The following UBE2G1 variants were observed in gnomAD, a reference collection of about 807,000 sequenced individuals.
UBE2G1 encodes ubiquitin conjugating enzyme E2 G1, also known as ubiquitin-conjugating enzyme E2 G1.
A neutral mutation model predicts 22.7 loss-of-function variants in UBE2G1; 5 were observed. The observed-to-expected ratio is 0.22, with a 90% CI of 0.12 to 0.46. The LOEUF is 0.46. Ranked by LOEUF, UBE2G1 falls within the 20% of genes least tolerant of loss-of-function variation. The probability of loss-of-function intolerance (pLI) is 0.99; values close to 1 mark genes in which losing one functional copy is unlikely to be tolerated. For synonymous variants in UBE2G1, 74 were observed against 67.5 expected, an observed-to-expected ratio of 1.10 and a Z score of -0.47; for missense variants, 88 against 203.9, an observed-to-expected ratio of 0.43 and a Z score of 3.46.
chr17:4,317,071 C>T (rs907531915), intron 1 of UBE2G1, among the ~76,000 whole-genome samples: 29 of 151,806 alleles, frequency 1.9e-4, no homozygotes, highest in Non-Finnish European at 3.5e-4. Context: ...ATACCCTGTC[C>T]AGGTGTGGTG....
intron 1 of UBE2G1, among the ~76,000 whole-genome samples, chr17:4,352,676 G>T (rs1454514725): frequency 6.6e-6 from 1 of 152,132 alleles, no homozygotes; most frequent in East Asian, 1.9e-4. Flanking sequence ...CTTCAGGGGT[G>T]GGCGTGGTGG....
At chr17:4,334,012 T>A (rs377509253) in intron 1 of UBE2G1, among the ~76,000 whole-genome samples, 1 of 151,590 alleles carries the variant, frequency 6.6e-6, no homozygotes, top group Non-Finnish European at 1.5e-5. Context: ...GAAAATCACA[T>A]AGCAGGTCTT....
At chr17:4,287,739 C>T (rs1968983111) in intron 4 of UBE2G1, among the ~76,000 whole-genome samples, 1 of 151,644 alleles carries the variant, frequency 6.6e-6, no homozygotes, top group Non-Finnish European at 1.5e-5. Flanking sequence ...AACAAAGGTT[C>T]TAAGAATAAG....
At chr17:4,279,103 C>T (rs1968852960) in intron 5 of UBE2G1, among the ~76,000 whole-genome samples, 1 of 151,948 alleles carries the variant, frequency 6.6e-6, no homozygotes, top group Non-Finnish European at 1.5e-5. Flanking sequence ...GGTGAAATCC[C>T]ATCTCTACTA....
chr17:4,283,330 G>T (rs938127600), intron 4 of UBE2G1, among the ~76,000 whole-genome samples: 6 of 152,094 alleles, frequency 3.9e-5, no homozygotes, highest in Non-Finnish European at 7.4e-5. Flanking sequence ...GACCAATATG[G>T]TGAGAATAAA....
At chr17:4,349,900 A>G (rs1380708583) in intron 1 of UBE2G1, among the ~76,000 whole-genome samples, 1 of 152,132 alleles carries the variant, frequency 6.6e-6, no homozygotes, top group African/African-American at 2.4e-5. Context: ...ACACTGTAAT[A>G]TAACATCTTC....
intron 1 of UBE2G1, among the ~76,000 whole-genome samples, chr17:4,320,812 C>T (rs894497700): frequency 2.0e-5 from 3 of 152,000 alleles, no homozygotes; most frequent in South Asian, 4.2e-4. Context: ...TAACTGATGG[C>T]CACTTAGCAT....
rs574080352 is a variant in UBE2G1, at chr17:4,319,195, T to C, written c.47-12072A>G. ...CTTTCTATAATAATAAATATACAGA[T>C]TGAAAACATATCCCACAACTCAGAA... On this transcript the variant is annotated intron_variant, in intron 1 of 5. Coordinates refer to ENST00000396981, the MANE Select transcript of UBE2G1 (RefSeq NM_003342.5). Among the ~76,000 whole-genome samples the C allele has an allele frequency of 2.4e-4, 37 of 152,226 alleles. 1 individual carries two copies. Among genetic ancestry groups the C allele is most frequent in the African/African-American group, 7.9e-4 (33 of 41,536 alleles).
At chr17:4,336,626 A>T (rs1245194957) in intron 1 of UBE2G1, among the ~76,000 whole-genome samples, 1 of 152,106 alleles carries the variant, frequency 6.6e-6, no homozygotes, top group Non-Finnish European at 1.5e-5. Flanking sequence ...TCCCAGGTTC[A>T]AGTGATTCTC....
At chr17:4,343,776 C>T (rs1009711420) in intron 1 of UBE2G1, among the ~76,000 whole-genome samples, 10 of 151,188 alleles carry the variant, frequency 6.6e-5, no homozygotes, top group Non-Finnish European at 1.3e-4. Flanking sequence ...TTTAATTAGA[C>T]ACAGGGTTTC....
At chr17:4,338,308 T>C (rs1244048647) in intron 1 of UBE2G1, among the ~76,000 whole-genome samples, 1 of 151,280 alleles carries the variant, frequency 6.6e-6, no homozygotes, top group East Asian at 1.9e-4. Context: ...AGAGAAGAAA[T>C]AAAAATAAGT....
chr17:4,304,971 T>TTTA (rs1340494556), intron 2 of UBE2G1, among the ~76,000 whole-genome samples: 100 of 150,718 alleles, frequency 6.6e-4, no homozygotes, highest in African/African-American at 2.3e-3. Flanking sequence ...TTTTTTTTTT[T>TTTA]AGATAGAGTT....
chr17:4,296,005 T>C (rs1468520548), intron 3 of UBE2G1, among the ~76,000 whole-genome samples: 1 of 150,322 alleles, frequency 6.7e-6, no homozygotes, highest in African/African-American at 2.5e-5. Flanking sequence ...CTTACACCTA[T>C]GAATACACAT....
At chr17:4,311,757 G>C (rs938923250) in intron 1 of UBE2G1, among the ~76,000 whole-genome samples, 1 of 152,134 alleles carries the variant, frequency 6.6e-6, no homozygotes, top group Non-Finnish European at 1.5e-5. Flanking sequence ...CCACTGAGTG[G>C]TACACTTTAA....
intron 2 of UBE2G1, among the ~76,000 whole-genome samples, chr17:4,300,097 T>TC (rs936138936): frequency 1.3e-5 from 2 of 151,356 alleles, no homozygotes; most frequent in Non-Finnish European, 2.9e-5. Flanking sequence ...CTTTTTTTTT[T>TC]TGATGCTTAA....
At chr17:4,309,647 T>A (rs1436825570) in intron 1 of UBE2G1, among the ~76,000 whole-genome samples, 1 of 152,228 alleles carries the variant, frequency 6.6e-6, no homozygotes, top group African/African-American at 2.4e-5. Flanking sequence ...ATTTTCTACA[T>A]GACTGATCTC....
chr17:4,322,431 T>C (rs1042598653), intron 1 of UBE2G1, among the ~76,000 whole-genome samples: 1 of 152,258 alleles, frequency 6.6e-6, no homozygotes, highest in Non-Finnish European at 1.5e-5. Flanking sequence ...TAGGAGATTA[T>C]ATTTCTCTAA....
chr17:4,354,261 C>T (rs1025068406), intron 1 of UBE2G1, among the ~76,000 whole-genome samples: 1 of 152,114 alleles, frequency 6.6e-6, no homozygotes, highest in Non-Finnish European at 1.5e-5. Context: ...GTAATAACAA[C>T]CCTAAAGCAG....
chr17:4,275,798 A>T (rs527562255), intron 5 of UBE2G1, among the ~76,000 whole-genome samples: 1 of 152,288 alleles, frequency 6.6e-6, no homozygotes, highest in Non-Finnish European at 1.5e-5. Context: ...AAATGCTTCC[A>T]AAAGTTCCAA....
Sources: allele counts gnomAD v4.1 joint callset (sites outside exome capture counted in the v4.1 genomes callset), GRCh38; gene constraint gnomAD v4.1.1; transcripts MANE v1.5; gene names NCBI Gene and HGNC (gene_info 2026-07-23, HGNC 2026-07-21).